ATG16L2: variants seen among roughly 807,000 people sequenced by gnomAD.
ATG16L2 encodes the protein autophagy related 16 like 2.
ATG16L2 carries 77 observed loss-of-function variants against 84.7 expected under a neutral mutation model. The observed-to-expected ratio is 0.91, with a 90% CI of 0.76 to 1.10. ATG16L2 has a LOEUF of 1.10. ATG16L2 is among the 50% of genes least tolerant of loss of function. The pLI is 0.00. For synonymous variants in ATG16L2, 361 were observed against 342.8 expected, an observed-to-expected ratio of 1.05 and a Z score of -0.59; for missense variants, 782 against 817.6, an observed-to-expected ratio of 0.96 and a Z score of 0.53.
exon 6 of ATG16L2, chr11:72,843,616 C>CATGACAAAAAA (rs1861034808): frequency 2.4e-6 from 2 of 836,080 alleles, no homozygotes; most frequent in Non-Finnish European, 4.0e-6. Context: ...AACTGGGGAT[C>CATGACAAAAAA]AAAATATTGA....
chr11:72,827,432 CTAGTGCCTCTCGGCTGGGCTCAGCT>C (rs1485024069), intron 14 of ATG16L2, 139 bp downstream of exon 14: 15 of 680,350 alleles, frequency 2.2e-5, no homozygotes, highest in Non-Finnish European at 3.6e-5. Context: ...GCACTGCCAG[CTAGTGCCTCTCGGCTGGGCTCAGCT>C]CCCGCAGGAA....
In ATG16L2 at chr11:72,826,307, G is replaced by T. The variant is rs147756960; in HGVS notation, c.1173+64G>T. 560 of 1,559,264 alleles carry T rather than the reference G, an allele frequency of 3.6e-4. 3 individuals carry two copies. The African/African-American group carries it at 7.1e-3, about 20-fold the overall frequency. On this transcript the variant is annotated intron_variant, in intron 11 of 17. Coordinates refer to ENST00000321297, the MANE Select transcript of ATG16L2 (RefSeq NM_033388.2). The stretch of plus-strand genomic sequence containing the variant: ...CTCTGATCTCCACACTGGGCAGGTG[G>T]GGGCTGTGGGACCTGAGGGCGCAAC...
chr11:72,832,952 T>C (rs1317503750), downstream of ATG16L2, among the ~76,000 whole-genome samples: 1 of 152,208 alleles, frequency 6.6e-6, no homozygotes, highest in Non-Finnish European at 1.5e-5. Flanking sequence ...AAAAGTGACA[T>C]GGCTCTTCTG....
intron 14 of ATG16L2, 92 bp downstream of exon 14, chr11:72,827,385 C>A: frequency 9.3e-7 from 1 of 1,079,488 alleles, no homozygotes; most frequent in South Asian, 1.3e-5. Context: ...CAGGAGGAGT[C>A]TTGGTGGCAC....
rs553100451 is a variant in ATG16L2 at position 72,827,226 on chromosome 11, G to A, written c.1405G>A (p.Val469Met). 2.2e-5 allele frequency: 36 copies of A among 1,614,074 alleles called. No individual in the cohort carries two copies. In the South Asian group the frequency reaches 2.9e-4, roughly 13 times the overall value. ...CAATGTCCTTTCCTACTGTAATGAC[G>A]TGGTGTGTGGGGACCATATCATCAT... ...TINVLSYCND[V>M]VCGDHIIISG... Residue 469 changes from valine to methionine, a missense_variant, in exon 14 of 18, where the codon GTG becomes ATG. Val to Met is a conservative substitution (Grantham distance 21, BLOSUM62 1). Coordinates refer to ENST00000321297, the MANE Select transcript of ATG16L2 (RefSeq NM_033388.2).
chr11:72,822,377 G>T lies in ATG16L2; in HGVS notation c.644+82G>T. On this transcript the variant is annotated intron_variant, in intron 5 of 17. Transcript: ENST00000321297. This position sits in a 1 kb window ranked among gnomAD's most constrained non-coding sequence, Gnocchi z 4.2. The stretch of plus-strand genomic sequence containing the variant: ...TCGGGCCTCGCCGGTGTCTGGAAGG[G>T]AGGGGGGCAGCAGCCGCCCCCTGGA... The T allele has an allele frequency of 6.3e-7, 1 of 1,580,844 alleles. No homozygotes were observed. Among genetic ancestry groups the T allele is most frequent in the Non-Finnish European group, 8.6e-7 (1 of 1,164,050 alleles).
chr11:72,830,360 C>A (rs1220168835), downstream of ATG16L2, among the ~76,000 whole-genome samples: 1 of 152,180 alleles, frequency 6.6e-6, no homozygotes, highest in African/African-American at 2.4e-5. Flanking sequence ...TCCTCCTGCA[C>A]CCCATGTCCC....
Position 72,822,977 on chromosome 11 carries a change from A to G in ATG16L2, c.824+16A>G. The G allele has an allele frequency of 6.5e-7, 1 of 1,532,004 alleles. No homozygotes were observed. Among genetic ancestry groups the G allele is most frequent in the Non-Finnish European group, 8.9e-7 (1 of 1,129,266 alleles). The allele number at this position is 1,532,004 out of a possible 1,614,324, so 94.9% of individuals were successfully genotyped here. ...GGCCCTTCAGGTGAGGACCCAGGTG[A>G]CAGTCTCAGAGCTCTGAGCTGAGCC... is the stretch of plus-strand genomic sequence containing the variant. On this transcript the variant is annotated intron_variant, in intron 7 of 17. Coordinates refer to ENST00000321297, the MANE Select transcript of ATG16L2 (RefSeq NM_033388.2). The surrounding 1 kb of genome is among the most constrained non-coding windows in gnomAD (Gnocchi z 4.2).
chr11:72,824,798 G>A lies in ATG16L2; in HGVS notation c.952G>A (p.Val318Met), dbSNP rs1425146363. 2 of 1,608,552 alleles carry A rather than the reference G, an allele frequency of 1.2e-6. No homozygotes were observed. The highest frequency in any genetic ancestry group is 1.7e-6 in the Non-Finnish European group (2 of 1,177,516). ...TGAGCAGCGATACCAGATCATCCCTGTGTGTGTGGCTGCCCGACTTCCTAC... is the reference window on the plus strand; with the variant it reads ...TGAGCAGCGATACCAGATCATCCCTATGTGTGTGGCTGCCCGACTTCCTAC... ...APEQRYQIIP[V>M]CVAARLPTRA... Residue 318 changes from valine (V) to methionine (M), a missense_variant, in exon 9 of 18, where the codon GTG becomes ATG. Physicochemically the swap from Val to Met is conservative, Grantham distance 21. Coordinates refer to ENST00000321297, the MANE Select transcript of ATG16L2 (RefSeq NM_033388.2).
chr11:72,820,987 C>T (rs900327251), intron 3 of ATG16L2, among the ~76,000 whole-genome samples: 3 of 152,172 alleles, frequency 2.0e-5, no homozygotes, highest in African/African-American at 7.2e-5. Context: ...TGCCTCTGCG[C>T]AGGGCCTCTC....
downstream of ATG16L2, among the ~76,000 whole-genome samples, chr11:72,830,485 TTTGTTG>T (rs975422985): frequency 2.0e-5 from 3 of 152,116 alleles, no homozygotes; most frequent in Admixed American, 1.3e-4. Flanking sequence ...CAGAGTGACT[TTTGTTG>T]TTGTTGTTGT....
At chr11:72,838,729 A>G in intron 5 of ATG16L2, 1 of 1,421,814 alleles carries the variant, frequency 7.0e-7, no homozygotes, top group Non-Finnish European at 9.7e-7. Context: ...CCTAAAAAAC[A>G]AGACTGGCCA....
downstream of ATG16L2, among the ~76,000 whole-genome samples, chr11:72,834,250 G>T (rs548781965): frequency 6.1e-4 from 93 of 152,326 alleles, no homozygotes; most frequent in Non-Finnish European, 1.1e-3. Context: ...ATTCAGAGCA[G>T]CTGGATTTCA....
rs180690361 is a variant in ATG16L2, at chr11:72,826,100, C to T, written c.1103-73C>T. The T allele has an allele frequency of 3.9e-6, 5 of 1,287,604 alleles. No individual in the cohort carries two copies. The East Asian group carries it at 7.2e-5, about 19-fold the overall frequency. 79.8% of individuals were successfully genotyped at this position (1,287,604 alleles called of 1,614,324 possible). The stretch of plus-strand genomic sequence containing the variant: ...GGGTGGGGCGGGAACTGATCTTCCG[C>T]TCTCAATCCCAATTCCTCCATTTTG... On this transcript the variant is annotated intron_variant, in intron 10 of 17. Transcript: ENST00000321297.
rs538460355 is a variant in ATG16L2 at position 72,822,937 on chromosome 11, G to A, written c.800G>A (p.Cys267Tyr). The A allele has an allele frequency of 1.3e-4, 200 of 1,573,448 alleles. 1 individual carries two copies. In the South Asian group the frequency reaches 2.2e-3, roughly 18 times the overall value. ...PEPEPLEKEA[C>Y]EKWKRPFRSA... The stretch of plus-strand genomic sequence containing the variant: ...CCAGAGCCCCTGGAGAAGGAAGCTT[G>A]TGAGAAGTGGAAGAGGCCCTTCAGG... Residue 267 changes from cysteine (C) to tyrosine (Y), a missense_variant, in exon 7 of 18, where the codon TGT (cysteine) becomes TAT (tyrosine). By Grantham distance (194) the Cys-to-Tyr change is radical. Transcript: ENST00000321297. The surrounding 1 kb of genome is among the most constrained non-coding windows in gnomAD (Gnocchi z 4.2).
intron 5 of ATG16L2, chr11:72,838,719 C>T: frequency 7.9e-7 from 1 of 1,261,516 alleles, no homozygotes; most frequent in East Asian, 2.5e-5. Context: ...TGCAAAGGTG[C>T]CTAAAAAACA....
chr11:72,821,893 C>G (rs1336636752), intron 4 of ATG16L2, 151 bp from the exon 5 acceptor site: 7 of 1,418,022 alleles, frequency 4.9e-6, no homozygotes, highest in Non-Finnish European at 6.5e-6. Context: ...AACGGCTGGG[C>G]TCTGAGGGCG....
At position 72,818,091 on chromosome 11, in the gene ATG16L2, G is replaced by A. The variant is rs1330098402; in HGVS notation, c.318+236G>A. On this transcript the variant is annotated intron_variant, in intron 3 of 17. Coordinates refer to ENST00000321297, the MANE Select transcript of ATG16L2 (RefSeq NM_033388.2). ...GAGGGAGTTAGGTGTGCAAGGGCCT[G>A]GCAGCCCATTTCCCTTCCACATGGT... The A allele has an allele frequency of 9.3e-6, 5 of 538,452 alleles. No homozygotes were observed. The East Asian group carries it at 1.6e-4, about 17-fold the overall frequency. 33.4% of individuals were successfully genotyped at this position (538,452 alleles called of 1,614,324 possible). A position where few individuals can be genotyped will look rare whatever the true frequency, so the allele number is the denominator to read the frequency against.
rs774287306 is a variant in ATG16L2, at chr11:72,816,836, A to G, written c.218+9A>G. 1.1e-5 allele frequency: 18 copies of G among 1,612,076 alleles called. No individual in the cohort carries two copies. Among genetic ancestry groups the G allele is most frequent in the Non-Finnish European group, 1.3e-5 (15 of 1,178,200 alleles). Reference sequence around the variant, plus strand: ...ACCCACCAGGGCCCCTGGTAAGTGTATGTGGGTCCGTGGTCACAAAGGGCT... The same window carrying G: ...ACCCACCAGGGCCCCTGGTAAGTGTGTGTGGGTCCGTGGTCACAAAGGGCT... On this transcript the variant is annotated intron_variant, in intron 2 of 17. Transcript: ENST00000321297.
Sources: gnomAD v4.1 joint callset for allele counts (sites outside exome capture counted in the v4.1 genomes callset) on GRCh38, gnomAD v4.1.1 for gene constraint, Gnocchi (gnomAD v3.1) non-coding constraint, MANE v1.5 for transcripts, NCBI Gene and HGNC (gene_info 2026-07-23, HGNC 2026-07-21) for gene names.